TMPRSS2: variants seen among roughly 807,000 people sequenced by gnomAD.
The protein encoded by TMPRSS2 is transmembrane protease serine 2.
TMPRSS2 carries 59 observed loss-of-function variants against 67.4 expected under a neutral mutation model. That is an observed-to-expected ratio of 0.88 (90% confidence interval 0.71 to 1.09). The LOEUF is 1.09. Ranked by LOEUF, TMPRSS2 falls within the 50% of genes least tolerant of loss-of-function variation. The pLI, the probability that TMPRSS2 is intolerant of heterozygous loss-of-function variation, is 0.00. For synonymous variants in TMPRSS2, 257 were observed against 257.0 expected (o/e 1.00, Z 0.00); for missense variants, 668 against 642.7 (o/e 1.04, Z -0.43).
chr21:41,501,660 T>C (rs1343735002), intron 1 of TMPRSS2, among the ~76,000 whole-genome samples: 1 of 141,708 alleles, frequency 7.1e-6, no homozygotes, highest in Non-Finnish European at 1.6e-5. Context: ...CATTCTCCAA[T>C]TGAAAATAAA....
intron 6 of TMPRSS2, among the ~76,000 whole-genome samples, chr21:41,480,111 G>A (rs576501443): frequency 1.3e-5 from 2 of 152,112 alleles, no homozygotes; most frequent in Non-Finnish European, 2.9e-5. Flanking sequence ...CAGCTGTTCT[G>A]GTCCAACCTC....
chr21:41,465,106 G>T lies in TMPRSS2; in HGVS notation c.*1036C>A, dbSNP rs189546747. 1.0e-4 allele frequency: 24 copies of T among 233,716 alleles called. No homozygotes were observed. The highest frequency in any genetic ancestry group is 1.3e-3 in the Middle Eastern group (1 of 786). 14.5% of individuals were successfully genotyped at this position (233,716 alleles called of 1,614,324 possible). ...CGTTAAGTCAGGAGCCAGTCATTTT[G>T]TCAAAGCAGCTGAAATAGGCCACCA... On this transcript the variant is annotated 3_prime_UTR_variant, in exon 14 of 14. Transcript: ENST00000332149.
At position 41,496,829 on chromosome 21, in the gene TMPRSS2, C is replaced by CTTTT. The variant is rs66730350; in HGVS notation, c.15+1286_15+1289dup. ...AATTTCTGCCTCTTGTCTCTCTCTC[C>CTTTT]TTTTTTTTTTTTTTTTTTTTTTTTT... On this transcript the variant is annotated intron_variant, in intron 2 of 13. Transcript: ENST00000332149. Among the ~76,000 whole-genome samples, 36 of 68,470 alleles carry CTTTT rather than the reference C, an allele frequency of 5.3e-4. 3 individuals carry two copies. The highest frequency in any genetic ancestry group is 8.3e-4 in the Non-Finnish European group (32 of 38,514). The allele number at this position is 68,470 out of a possible 152,430, so 44.9% of individuals were successfully genotyped here. A position where few individuals can be genotyped will look rare whatever the true frequency, so the allele number is the denominator to read the frequency against.
In TMPRSS2 at chr21:41,499,156, C is replaced by T. The variant is rs939814881; in HGVS notation, c.-56-967G>A. Among the ~76,000 whole-genome samples, 159 of 152,220 alleles carry T rather than the reference C, an allele frequency of 1.0e-3. 1 individual carries two copies. The highest frequency in any genetic ancestry group is 2.4e-4 in the Non-Finnish European group (16 of 68,012). On this transcript the variant is annotated intron_variant, in intron 1 of 13. Transcript: ENST00000332149. ...CAGTCACTCCATTTACTACCCCAAA[C>T]CCAAAAAAGAAAGAAATTCAGAGCC...
intron 1 of TMPRSS2, among the ~76,000 whole-genome samples, chr21:41,502,157 G>A (rs1490798202): frequency 1.3e-5 from 2 of 152,224 alleles, no homozygotes; most frequent in African/African-American, 4.8e-5. Flanking sequence ...GCAGCAGGAC[G>A]ATGCTGTGGC....
intron 5 of TMPRSS2, 34 bp downstream of exon 5, chr21:41,488,360 G>A: frequency 1.2e-6 from 2 of 1,601,438 alleles, no homozygotes; most frequent in African/African-American, 1.3e-5. Context: ...AAGGTGAGCA[G>A]AGGAGTCCCT....
chr21:41,468,567 C>T, intron 11 of TMPRSS2, 29 bp from the exon 12 acceptor site: 1 of 1,612,260 alleles, frequency 6.2e-7, no homozygotes, highest in South Asian at 1.1e-5. Context: ...GTTGAGCTCC[C>T]AGTGTTGCCT....
intron 3 of TMPRSS2, among the ~76,000 whole-genome samples, chr21:41,491,399 A>C (rs417888): frequency 6.6e-6 from 1 of 151,896 alleles, no homozygotes; most frequent in East Asian, 1.9e-4. Flanking sequence ...CACTCGCCTC[A>C]GCCTCTCAAA....
intron 1 of TMPRSS2, among the ~76,000 whole-genome samples, chr21:41,505,379 G>A (rs2091450794): frequency 6.6e-6 from 1 of 152,212 alleles, no homozygotes; most frequent in Non-Finnish European, 1.5e-5. Flanking sequence ...AGAGTTATCA[G>A]CCAGACTTTT....
chr21:41,471,974 T>C lies in TMPRSS2; in HGVS notation c.907A>G (p.Asn303Asp). 6.2e-7 allele frequency: 1 copy of C among 1,605,606 alleles called. No individual in the cohort carries two copies. The highest frequency in any genetic ancestry group is 8.5e-7 in the Non-Finnish European group (1 of 1,174,080). ...TAAHCVEKPL[N>D]NPWHWTAFAG... ...AATGCCGTCCAATGCCATGGATTGT[T>C]AAGAGGTCTGGGAGAGAAGAAGGAC... Residue 303 changes from asparagine (N) to aspartate (D), a missense_variant, in exon 10 of 14, where the codon AAC (asparagine) becomes GAC (aspartate). Coordinates refer to ENST00000332149, the MANE Select transcript of TMPRSS2 (RefSeq NM_005656.4).
chr21:41,473,275 C>T (rs1418062746), intron 9 of TMPRSS2, 50 bp downstream of exon 9: 7 of 1,521,608 alleles, frequency 4.6e-6, no homozygotes, highest in Non-Finnish European at 6.2e-6. Context: ...CACAGGGTGG[C>T]TGTAGGCCAG....
chr21:41,473,391 A>G lies in TMPRSS2; in HGVS notation c.833T>C (p.Val278Ala), dbSNP rs2091152171. ...PWQVSLHVQN[V>A]HVCGGSIITP... ...GATGATGGAGCCTCCGCACACGTGG[A>G]CGTTCTGGACGTGCAGGCTGACCTG... Residue 278 changes from valine (V) to alanine (A), a missense_variant, in exon 9 of 14, where the codon GTC (valine) becomes GCC (alanine). Val to Ala is a moderately conservative substitution (Grantham distance 64, BLOSUM62 0). Coordinates refer to ENST00000332149, the MANE Select transcript of TMPRSS2 (RefSeq NM_005656.4). 1.9e-6 allele frequency: 3 copies of G among 1,610,052 alleles called. No homozygotes were observed. In the African/African-American group the frequency reaches 4.0e-5, roughly 22 times the overall value.
At chr21:41,472,184 C>G (rs373916557) in intron 9 of TMPRSS2, among the ~76,000 whole-genome samples, 2 of 151,790 alleles carry the variant, frequency 1.3e-5, no homozygotes, top group Non-Finnish European at 2.9e-5. Flanking sequence ...CTCAGCCCCC[C>G]ACATCATCCT....
chr21:41,468,056 C>A lies in TMPRSS2; in HGVS notation c.1315-170G>T, dbSNP rs548552823. On this transcript the variant is annotated intron_variant, in intron 12 of 13. Coordinates refer to ENST00000332149, the MANE Select transcript of TMPRSS2 (RefSeq NM_005656.4). ...GGGTGATGGTAACAGAGATGTAACC[C>A]CCAAAGAGATAGCCCCCATCCTGAA... The A allele has an allele frequency of 5.9e-6, 4 of 682,720 alleles. No individual in the cohort carries two copies. In the East Asian group the frequency reaches 1.1e-4, roughly 18 times the overall value. The allele number at this position is 682,720 out of a possible 1,614,324, so 42.3% of individuals were successfully genotyped here. A position where few individuals can be genotyped will look rare whatever the true frequency, so the allele number is the denominator to read the frequency against.
chr21:41,494,285 GAGAGCCC>G, intron 3 of TMPRSS2, 64 bp downstream of exon 3: 1 of 1,517,898 alleles, frequency 6.6e-7, no homozygotes, highest in Non-Finnish European at 9.0e-7. Flanking sequence ...GTTGGGAGCA[GAGAGCCC>G]ACTGGGGAGG....
chr21:41,469,752 G>A (rs772254195), intron 11 of TMPRSS2, among the ~76,000 whole-genome samples: 3 of 152,020 alleles, frequency 2.0e-5, no homozygotes, highest in South Asian at 4.2e-4. Flanking sequence ...CCCCACCACC[G>A]ACATCCAGAA....
chr21:41,475,360 GGTGAGGGA>G (rs2091196253), intron 8 of TMPRSS2, among the ~76,000 whole-genome samples: 1 of 41,342 alleles, frequency 2.4e-5, no homozygotes, highest in Admixed American at 2.4e-4. Flanking sequence ...GGCGTGAGGG[GGTGAGGGA>G]GTGAGGGATT....
At chr21:41,496,868 T>G (rs1404544539) in intron 2 of TMPRSS2, among the ~76,000 whole-genome samples, 3 of 131,624 alleles carry the variant, frequency 2.3e-5, no homozygotes, top group African/African-American at 9.2e-5. Context: ...GAGACAGTGT[T>G]TCCCTCTCGT....
At chr21:41,502,377 C>A (rs1167039750) in intron 1 of TMPRSS2, 1 of 984,940 alleles carries the variant, frequency 1.0e-6, no homozygotes. Flanking sequence ...ACTGACCTCA[C>A]CGTGCACCAT....
Sources: allele counts gnomAD v4.1 joint callset (sites outside exome capture counted in the v4.1 genomes callset), GRCh38; gene constraint gnomAD v4.1.1; transcripts MANE v1.5; gene names NCBI Gene and HGNC (gene_info 2026-07-23, HGNC 2026-07-21).